The following MYH6 variants were observed in gnomAD, a reference collection of about 807,000 sequenced individuals.
The protein encoded by MYH6 is myosin-6.
Under a neutral mutation model 223.2 loss-of-function variants are expected in MYH6, and 126 were observed. That is an observed-to-expected ratio of 0.56 (90% CI 0.49 to 0.65). The LOEUF is 0.65. Among genes scored for constraint, MYH6 ranks in the 30% least tolerant of loss-of-function variants. The probability of loss-of-function intolerance (pLI) is 0.00; values close to 1 mark genes in which losing one functional copy is unlikely to be tolerated. For missense variants in MYH6, 2,040 were observed against 2,536.4 expected (o/e 0.80, Z 4.20); for synonymous variants, 978 against 1,010.2 (o/e 0.97, Z 0.61).
At chr14:23,396,441 C>A (rs371656231) in intron 19 of MYH6, 21 bp from the exon 20 acceptor site, 96 of 1,612,518 alleles carry the variant, frequency 6.0e-5, no homozygotes, top group Admixed American at 1.5e-4. Context: ...GGGGTAGATG[C>A]AACAGGCCGC....
chr14:23,384,455 T>C lies in MYH6; in HGVS notation c.5552A>G (p.Glu1851Gly). The change falls in exon 36 of 39, where the codon GAG becomes GGG. Residue 1851 changes from glutamate (E) to glycine (G), a missense_variant. This residue lies in a region of MYH6 where 1,203 missense variants were observed against 1,400.2 expected (regional missense o/e 0.86). Coordinates refer to ENST00000405093, the MANE Select transcript of MYH6 (RefSeq NM_002471.4). ...CGTCCGCCGCACCTGGTAGGTGAGC[T>C]CCTTGATGCGCCGCTCGCTCTTCCT... ...GMRKSERRIKELTYQTEEDKK... is the reference protein window; with the variant it reads ...GMRKSERRIKGLTYQTEEDKK... 6.2e-7 allele frequency: 1 copy of C among 1,611,158 alleles called. No individual in the cohort carries two copies. Among genetic ancestry groups the C allele is most frequent in the Non-Finnish European group, 8.5e-7 (1 of 1,180,022 alleles).
At position 23,405,835 on chromosome 14, in the gene MYH6, G is replaced by T; in HGVS notation, c.202-65C>A. ...TCCCTCCGGGACCCTTGCCAGCACTGCCCACTGACCTCCTCCCAGGACACA... is the reference window on the plus strand; with the variant it reads ...TCCCTCCGGGACCCTTGCCAGCACTTCCCACTGACCTCCTCCCAGGACACA... On this transcript the variant is annotated intron_variant, in intron 3 of 38. Transcript: ENST00000405093. This position sits in a 1 kb window ranked among gnomAD's most constrained non-coding sequence, Gnocchi z 4.7. 1 of 1,604,352 alleles carries T rather than the reference G, an allele frequency of 6.2e-7. No individual in the cohort carries two copies. The highest frequency in any genetic ancestry group is 1.1e-5 in the South Asian group (1 of 90,856).
intron 36 of MYH6, 21 bp from the exon 37 acceptor site, chr14:23,383,341 G>GGGGGGGGGCCCCCCCCCCCCCC: frequency 1.8e-6 from 1 of 556,562 alleles, no homozygotes; most frequent in East Asian, 4.9e-5. Flanking sequence ...GAGGGTGGGA[G>GGGGGGGGGCCCCCCCCCCCCCC]AAGCTGGTTT....
In MYH6 at chr14:23,393,390, G is replaced by A; in HGVS notation, c.3057C>T (p.Val1019=). 6.2e-7 allele frequency: 1 copy of A among 1,614,166 alleles called. No homozygotes were observed. Residue 1019 remains valine (V), a synonymous_variant, in exon 23 of 39, where the codon GTC becomes GTT. Transcript: ENST00000405093. The part of the protein sequence containing the change: ...LDDLQVEEDK[V]NSLSKSKVKL... ...TGACCTTAGACTTGGACAGGCTGTT[G>A]ACCTTGTCTTCCTCAACCTGAAGGT...
intron 10 of MYH6, 87 bp from the exon 11 acceptor site, chr14:23,402,887 G>C: frequency 3.1e-6 from 2 of 645,856 alleles, no homozygotes; most frequent in Admixed American, 2.1e-5. Flanking sequence ...GGAGGGAGGG[G>C]CAGGGAGGGG....
In MYH6 at chr14:23,389,614, C is replaced by T. The variant is rs762102758; in HGVS notation, c.3838G>A (p.Ala1280Thr). 6.2e-6 allele frequency: 10 copies of T among 1,614,114 alleles called. No homozygotes were observed. The Admixed American group carries it at 6.7e-5, about 11-fold the overall frequency. The change falls in exon 27 of 39, where the codon GCC (alanine) becomes ACC (threonine). Residue 1280 changes from alanine (A) to threonine (T), a missense_variant. Transcript: ENST00000405093. ...RSLNDFTTQR[A>T]KLQTENGELA... Reference sequence around the variant, plus strand: ...CCACCATTCTCGGTCTGCAGCTTGGCTCGCTGGGTGGTGAAATCATTGAGG... The same window carrying T: ...CCACCATTCTCGGTCTGCAGCTTGGTTCGCTGGGTGGTGAAATCATTGAGG...
intron 36 of MYH6, 96 bp downstream of exon 36, chr14:23,384,346 C>T: frequency 3.8e-6 from 6 of 1,575,402 alleles, no homozygotes; most frequent in Non-Finnish European, 5.2e-6. Flanking sequence ...CCAACAGCAT[C>T]TCAAGGAGGA....
chr14:23,396,312 T>C lies in MYH6; in HGVS notation c.2401A>G (p.Ile801Val), dbSNP rs75487328. Reference sequence around the variant, plus strand: ...CGTTCCACTATCTTCTTGAACTCAATGCGCATGAGCTGGCCCCGGGCTTGG... The same window carrying C: ...CGTTCCACTATCTTCTTGAACTCAACGCGCATGAGCTGGCCCCGGGCTTGG... Reference protein sequence around the residue: ...QAQARGQLMRIEFKKIVERRD... With the variant: ...QAQARGQLMRVEFKKIVERRD... The change falls in exon 20 of 39, where the codon ATT (isoleucine) becomes GTT (valine). Residue 801 changes from isoleucine (I) to valine (V), a missense_variant. Around this residue, in one of 4 missense-constraint regions of MYH6, gnomAD observed 649 missense variants for 877.3 expected, o/e 0.74. Coordinates refer to ENST00000405093, the MANE Select transcript of MYH6 (RefSeq NM_002471.4). 4.3e-5 allele frequency: 70 copies of C among 1,614,154 alleles called. No individual in the cohort carries two copies. In the Admixed American group the frequency reaches 7.7e-4, roughly 18 times the overall value.
chr14:23,388,050 T>G (rs1214446132), intron 30 of MYH6, 105 bp downstream of exon 30: 6 of 1,595,936 alleles, frequency 3.8e-6, no homozygotes, highest in African/African-American at 2.7e-5. Flanking sequence ...GAGCCTGGGC[T>G]TAGCCCTCCT....
chr14:23,397,932 C>CTCCTCTTCTTCT (rs1891452078), intron 15 of MYH6, among the ~76,000 whole-genome samples: 13 of 90,206 alleles, frequency 1.4e-4, no homozygotes, highest in Non-Finnish European at 1.8e-4. Context: ...CCTCCTCCTC[C>CTCCTCTTCTTCT]TCTTCTTCTT....
At chr14:23,387,972 A>G in intron 30 of MYH6, 49 bp from the exon 31 acceptor site, 1 of 1,609,706 alleles carries the variant, frequency 6.2e-7, no homozygotes, top group Non-Finnish European at 8.5e-7. Context: ...TTAGCTCCCC[A>G]GCCCTCCTGC....
Position 23,407,090 on chromosome 14 carries a change from T to G in MYH6, c.134A>C (p.Glu45Ala). The change falls in exon 3 of 39, where the codon GAG becomes GCG. Residue 45 changes from glutamate to alanine, a missense_variant. Physicochemically the swap from Glu to Ala is moderately radical, Grantham distance 107. Around this residue, in one of 4 missense-constraint regions of MYH6, gnomAD observed 184 missense variants for 232.4 expected, o/e 0.79. Transcript: ENST00000405093. This position sits in a 1 kb window ranked among gnomAD's most constrained non-coding sequence, Gnocchi z 5.6. ...GGACAAAATCTTGGCTTTGACAAAC[T>G]CTTCCTTGTCATCGGGCACGAAGCA... ...TECFVPDDKE[E>A]FVKAKILSRE... is the part of the protein sequence containing the mutation. The G allele has an allele frequency of 6.2e-7, 1 of 1,614,224 alleles. No individual in the cohort carries two copies. Among genetic ancestry groups the G allele is most frequent in the Non-Finnish European group, 8.5e-7 (1 of 1,180,038 alleles).
At chr14:23,390,503 C>A (rs866244343) in intron 25 of MYH6, 57 bp from the exon 26 acceptor site, 3 of 1,589,956 alleles carry the variant, frequency 1.9e-6, no homozygotes, top group East Asian at 2.3e-5. Flanking sequence ...CTGGAATCCC[C>A]CCGGCTCTGA....
At position 23,407,567 on chromosome 14, in the gene MYH6, A is replaced by C; in HGVS notation, c.-14+9T>G. 8.2e-7 allele frequency: 1 copy of C among 1,225,944 alleles called. No homozygotes were observed. Among genetic ancestry groups the C allele is most frequent in the Non-Finnish European group, 1.0e-6 (1 of 969,302 alleles). The allele number at this position is 1,225,944 out of a possible 1,614,324, so 75.9% of individuals were successfully genotyped here. A position where few individuals can be genotyped will look rare whatever the true frequency, so the allele number is the denominator to read the frequency against. ...CAGTCTCTGCAGAGAAAATGGGGGC[A>C]GTTCTCACCTGGTTATCCCTTCACG... On this transcript the variant is annotated intron_variant, in intron 2 of 38. Coordinates refer to ENST00000405093, the MANE Select transcript of MYH6 (RefSeq NM_002471.4). This position sits in a 1 kb window ranked among gnomAD's most constrained non-coding sequence, Gnocchi z 5.6.
At chr14:23,392,875 C>G (rs370201664) in intron 24 of MYH6, 37 bp downstream of exon 24, 24 of 1,611,344 alleles carry the variant, frequency 1.5e-5, no homozygotes, top group East Asian at 8.9e-5. Flanking sequence ...AGGCCAGACA[C>G]CTCCATTAGC....
In MYH6 at chr14:23,383,330, GGAGGGT is replaced by G; in HGVS notation, c.5566-16_5566-11del. 3.5e-6 allele frequency: 2 copies of G among 563,424 alleles called. No individual in the cohort carries two copies. The highest frequency in any genetic ancestry group is 3.3e-6 in the Non-Finnish European group (1 of 302,780). The allele number at this position is 563,424 out of a possible 1,614,324, so 34.9% of individuals were successfully genotyped here. ...TTTTGTCTTCCTCTGTCTGGGGGTG[GGAGGGT>G]GGGAGAAGCTGGTTTGGAGGGGGAG... On this transcript the variant is annotated splice_polypyrimidine_tract_variant and intron_variant, in intron 36 of 38. Transcript: ENST00000405093.
rs568881717 is a variant in MYH6 at position 23,388,052 on chromosome 14, AGC to A, written c.4359+101_4359+102del. The A allele has an allele frequency of 3.8e-3, 6,065 of 1,608,154 alleles. 14 individuals carry two copies. The highest frequency in any genetic ancestry group is 0.01 in the Middle Eastern group (45 of 4,476). On this transcript the variant is annotated intron_variant, in intron 30 of 38. Coordinates refer to ENST00000405093, the MANE Select transcript of MYH6 (RefSeq NM_002471.4). Reference sequence around the variant, plus strand: ...TGTCCCTGGTCCCGAGCCTGGGCTTAGCCCTCCTCCTCCACCTCCAAGGAGGT... The same window carrying A: ...TGTCCCTGGTCCCGAGCCTGGGCTTACCTCCTCCTCCACCTCCAAGGAGGT...
rs180752841 is a variant in MYH6, at chr14:23,402,632, G to T, written c.1003-30C>A. The T allele has an allele frequency of 6.1e-4, 977 of 1,613,826 alleles. 19 individuals carry two copies. In the East Asian group the frequency reaches 0.019, roughly 32 times the overall value. On this transcript the variant is annotated intron_variant, in intron 11 of 38. Coordinates refer to ENST00000405093, the MANE Select transcript of MYH6 (RefSeq NM_002471.4). ...GACAGAGCGAGAGACAAAGAGGGGGGTTGGAGCGGTGGCCCCAGGAGCTCC... is the reference window on the plus strand; with the variant it reads ...GACAGAGCGAGAGACAAAGAGGGGGTTTGGAGCGGTGGCCCCAGGAGCTCC...
At chr14:23,394,525 G>T (rs1474251493) in intron 20 of MYH6, among the ~76,000 whole-genome samples, 1 of 152,268 alleles carries the variant, frequency 6.6e-6, no homozygotes, top group South Asian at 2.1e-4. Flanking sequence ...TCCCAGCTGG[G>T]ATATTAGTGG....
Sources: allele counts gnomAD v4.1 joint callset (sites outside exome capture counted in the v4.1 genomes callset), GRCh38; gene constraint gnomAD v4.1.1; regional missense constraint gnomAD v4.1.1; non-coding constraint Gnocchi (gnomAD v3.1); transcripts MANE v1.5; gene names NCBI Gene and HGNC (gene_info 2026-07-23, HGNC 2026-07-21).